Variants in UFM1 observed in about 807,000 individuals in gnomAD.
UFM1 encodes the protein ubiquitin-fold modifier 1.
UFM1 carries 9 observed loss-of-function variants against 15.4 expected under a neutral mutation model. That is an observed-to-expected ratio of 0.59 (90% confidence interval 0.35 to 1.02). The LOEUF is 1.02. Among genes scored for constraint, UFM1 ranks in the 50% least tolerant of loss-of-function variants. The probability of loss-of-function intolerance (pLI) is 0.02; values close to 1 mark genes in which losing one functional copy is unlikely to be tolerated. For synonymous variants in UFM1, 27 were observed against 36.3 expected (o/e 0.74, Z 0.92); for missense variants, 98 against 104.7 (o/e 0.94, Z 0.28).
intron 3 of UFM1, chr13:38,354,987 A>G (rs1203822814): frequency 6.6e-6 from 1 of 151,958 alleles, no homozygotes. Context: ...AGTAGTTAAT[A>G]CCTGTCCTTC....
chr13:38,358,907 C>T (rs748284342), intron 4 of UFM1, among the ~76,000 whole-genome samples: 2 of 152,012 alleles, frequency 1.3e-5, no homozygotes, highest in Non-Finnish European at 2.9e-5. Flanking sequence ...ACTTTGTGAG[C>T]TCTCCCAGCC....
At chr13:38,358,592 CAAT>C (rs967065615) in intron 4 of UFM1, among the ~76,000 whole-genome samples, 12 of 151,854 alleles carry the variant, frequency 7.9e-5, no homozygotes, top group African/African-American at 2.7e-4. Flanking sequence ...CACTGATAAT[CAAT>C]GATGATGGAA....
In UFM1 at chr13:38,361,670, C is replaced by T. The variant is rs1231026815; in HGVS notation, c.*892C>T. 1 of 151,904 alleles carries T rather than the reference C, an allele frequency of 6.6e-6. No individual in the cohort carries two copies. The highest frequency in any genetic ancestry group is 2.4e-5 in the African/African-American group (1 of 41,336). The allele number at this position is 151,904 out of a possible 1,614,324, so 9.4% of individuals were successfully genotyped here. A position where few individuals can be genotyped will look rare whatever the true frequency, so the allele number is the denominator to read the frequency against. ...CTGATGAGTTATATTTATTGAAAAC[C>T]CAACTTTTAAGGAAGTGCTAAGATC... On this transcript the variant is annotated 3_prime_UTR_variant, in exon 6 of 6. Coordinates refer to ENST00000239878, the MANE Select transcript of UFM1 (RefSeq NM_016617.4).
chr13:38,350,079 C>T (rs200825211), intron 2 of UFM1, 24 bp downstream of exon 2: 171 of 1,614,090 alleles, frequency 1.1e-4, no homozygotes, highest in Middle Eastern at 6.6e-4. Flanking sequence ...CCGAGATGGG[C>T]CTTTTGGGGC....
At chr13:38,354,163 G>T in intron 2 of UFM1, 76 bp from the exon 3 acceptor site, 1 of 1,437,356 alleles carries the variant, frequency 7.0e-7, no homozygotes, top group Non-Finnish European at 9.7e-7. Flanking sequence ...GGCTACAGTA[G>T]TGGAAATAAG....
At position 38,359,860 on chromosome 13, in the gene UFM1, A is replaced by C. The variant is rs375896360; in HGVS notation, c.190+527A>C. 3.3e-4 allele frequency: 59 copies of C among 177,834 alleles called. No individual in the cohort carries two copies. The South Asian group carries it at 6.5e-3, about 20-fold the overall frequency. 11.0% of individuals were successfully genotyped at this position (177,834 alleles called of 1,614,324 possible). A position where few individuals can be genotyped will look rare whatever the true frequency, so the allele number is the denominator to read the frequency against. Reference sequence around the variant, plus strand: ...TAAAAGTAGTCTCATACTTTATAAAAAGAAGTCTAAAACTTTTTTAAAATT... The same window carrying C: ...TAAAAGTAGTCTCATACTTTATAAACAGAAGTCTAAAACTTTTTTAAAATT... On this transcript the variant is annotated intron_variant, in intron 5 of 5. Transcript: ENST00000239878.
At chr13:38,358,053 G>A (rs1377957297) in intron 3 of UFM1, 40 bp from the exon 4 acceptor site, 2 of 842,664 alleles carry the variant, frequency 2.4e-6, no homozygotes, top group Non-Finnish European at 1.7e-6. Flanking sequence ...GTGTGTGTGT[G>A]TGTGTATATA....
chr13:38,353,595 G>C (rs189153850), intron 2 of UFM1, among the ~76,000 whole-genome samples: 1 of 151,970 alleles, frequency 6.6e-6, no homozygotes, highest in African/African-American at 2.4e-5. Context: ...ATATGAGTCA[G>C]TTAACAAAAT....
intron 2 of UFM1, among the ~76,000 whole-genome samples, chr13:38,353,241 T>C (rs1008436198): frequency 2.0e-5 from 3 of 152,164 alleles, no homozygotes; most frequent in Non-Finnish European, 4.4e-5. Context: ...CCTGGGCATA[T>C]ACATGAGAAT....
chr13:38,353,821 T>C (rs181869620), intron 2 of UFM1, among the ~76,000 whole-genome samples: 112 of 152,250 alleles, frequency 7.4e-4, no homozygotes, highest in African/African-American at 2.6e-3. Flanking sequence ...CTTCTACTTA[T>C]AATGAAAATG....
intron 3 of UFM1, among the ~76,000 whole-genome samples, chr13:38,357,635 A>T (rs151188003): frequency 2.8e-3 from 433 of 151,974 alleles, no homozygotes; most frequent in African/African-American, 0.01. Context: ...TTTCTCAAAA[A>T]CTTTACTAAT....
In UFM1 at chr13:38,360,836, G is replaced by T. The variant is rs1430227910; in HGVS notation, c.*58G>T. The T allele has an allele frequency of 1.4e-6, 2 of 1,452,714 alleles. No homozygotes were observed. Among genetic ancestry groups the T allele is most frequent in the East Asian group, 2.3e-5 (1 of 43,780 alleles). 90.0% of individuals were successfully genotyped at this position (1,452,714 alleles called of 1,614,324 possible). On this transcript the variant is annotated 3_prime_UTR_variant, in exon 6 of 6. Coordinates refer to ENST00000239878, the MANE Select transcript of UFM1 (RefSeq NM_016617.4). ...AGAATAAATATTGGTATTTTTTGTT[G>T]TTGTAAAATTGAAATCAGGCATTTA...
At chr13:38,357,405 G>A (rs1489499619) in intron 3 of UFM1, among the ~76,000 whole-genome samples, 1 of 151,838 alleles carries the variant, frequency 6.6e-6, no homozygotes, top group Non-Finnish European at 1.5e-5. Flanking sequence ...ACATTGATCT[G>A]GGCATAAATT....
chr13:38,349,873 T>C lies in UFM1; in HGVS notation c.-47T>C, dbSNP rs1447604004. The C allele has an allele frequency of 6.2e-7, 1 of 1,614,018 alleles. No individual in the cohort carries two copies. Among genetic ancestry groups the C allele is most frequent in the Non-Finnish European group, 8.5e-7 (1 of 1,180,036 alleles). On this transcript the variant is annotated 5_prime_UTR_variant, in exon 1 of 6. Coordinates refer to ENST00000239878, the MANE Select transcript of UFM1 (RefSeq NM_016617.4). ...CCCAGCACACTAGAGGAAGTCGTGCTACCCCCGCGGAGTTGTCGTGTGTTC... is the reference window on the plus strand; with the variant it reads ...CCCAGCACACTAGAGGAAGTCGTGCCACCCCCGCGGAGTTGTCGTGTGTTC...
intron 3 of UFM1, among the ~76,000 whole-genome samples, chr13:38,356,566 T>C (rs191701783): frequency 2.6e-5 from 4 of 151,866 alleles, no homozygotes; most frequent in African/African-American, 9.6e-5. Flanking sequence ...TTTAAGGCCT[T>C]ATTTTAAAAG....
In UFM1 at chr13:38,350,209, C is replaced by A. The variant is rs756816236; in HGVS notation, c.59+154C>A. ...CGCGCCCTTCCAGGAGCCTTTCCCA[C>A]CGGAGCCTGCGAGGAGAGGTCCGTA... On this transcript the variant is annotated intron_variant, in intron 2 of 5. Coordinates refer to ENST00000239878, the MANE Select transcript of UFM1 (RefSeq NM_016617.4). 2.5e-6 allele frequency: 4 copies of A among 1,611,924 alleles called. No homozygotes were observed. The Admixed American group carries it at 6.7e-5, about 27-fold the overall frequency.
At chr13:38,358,417 T>TA (rs1237967678) in intron 4 of UFM1, among the ~76,000 whole-genome samples, 1 of 151,498 alleles carries the variant, frequency 6.6e-6, no homozygotes, top group Non-Finnish European at 1.5e-5. Flanking sequence ...AGTTTTTTTT[T>TA]TTATTAAGTA....
intron 2 of UFM1, among the ~76,000 whole-genome samples, chr13:38,352,506 T>A (rs1430622216): frequency 1.3e-5 from 2 of 152,176 alleles, no homozygotes; most frequent in African/African-American, 4.8e-5. Flanking sequence ...TGTTTATATA[T>A]TTATTTAAAA....
chr13:38,349,853 C>T lies in UFM1; in HGVS notation c.-67C>T. 6.2e-7 allele frequency: 1 copy of T among 1,613,734 alleles called. No individual in the cohort carries two copies. Among genetic ancestry groups the T allele is most frequent in the Non-Finnish European group, 8.5e-7 (1 of 1,179,738 alleles). ...GTGAGTGGAGCGGGGCGGTCCCCAG[C>T]ACACTAGAGGAAGTCGTGCTACCCC... On this transcript the variant is annotated 5_prime_UTR_variant, in exon 1 of 6. Transcript: ENST00000239878.
Sources: gnomAD v4.1 joint callset for allele counts (sites outside exome capture counted in the v4.1 genomes callset) on GRCh38, gnomAD v4.1.1 for gene constraint, MANE v1.5 for transcripts, NCBI Gene and HGNC (gene_info 2026-07-23, HGNC 2026-07-21) for gene names.